MACROD2: variants seen among roughly 807,000 people sequenced by gnomAD.
MACROD2 encodes the protein mono-ADP ribosylhydrolase 2.
In MACROD2, 36 loss-of-function variants were observed where a neutral mutation model predicts 70.4. That is an observed-to-expected ratio of 0.51 (90% CI 0.39 to 0.68). The LOEUF (loss-of-function observed/expected upper bound fraction) is 0.68. MACROD2 is among the 30% of genes least tolerant of loss of function. The pLI is 0.00. For synonymous variants in MACROD2, 172 were observed against 178.8 expected (o/e 0.96, Z 0.30); for missense variants, 496 against 538.4 (o/e 0.92, Z 0.78).
intron 6 of MACROD2, among the ~76,000 whole-genome samples, chr20:15,381,701 G>C (rs2045646703): frequency 6.6e-6 from 1 of 152,140 alleles, no homozygotes; most frequent in Non-Finnish European, 1.5e-5. Context: ...AAAGGTGACA[G>C]ATAGCCTTGT....
chr20:15,114,253 G>T (rs1368888291), intron 5 of MACROD2, among the ~76,000 whole-genome samples: 3 of 152,168 alleles, frequency 2.0e-5, no homozygotes, highest in African/African-American at 7.2e-5. Flanking sequence ...CTCTTTTGTA[G>T]TCCCCTCCTC....
intron 5 of MACROD2, among the ~76,000 whole-genome samples, chr20:15,225,985 T>A (rs1285731572): frequency 6.6e-6 from 1 of 152,258 alleles, no homozygotes; most frequent in Non-Finnish European, 1.5e-5. Context: ...CAATTTGCAC[T>A]TCGCTGTATA....
At chr20:14,564,096 T>C (rs746286340) in intron 4 of MACROD2, among the ~76,000 whole-genome samples, 6 of 152,008 alleles carry the variant, frequency 3.9e-5, no homozygotes, top group Admixed American at 2.6e-4. Flanking sequence ...CACTGGGGAA[T>C]GAACATCTTA....
chr20:14,064,409 C>T (rs929350743), intron 2 of MACROD2, among the ~76,000 whole-genome samples: 4 of 152,128 alleles, frequency 2.6e-5, no homozygotes, highest in Non-Finnish European at 5.9e-5. Flanking sequence ...CCTGAGTACT[C>T]TGCAGGAAAT....
At chr20:15,437,536 T>G (rs1388553358) in intron 7 of MACROD2, among the ~76,000 whole-genome samples, 2 of 152,194 alleles carry the variant, frequency 1.3e-5, no homozygotes, top group Non-Finnish European at 2.9e-5. Flanking sequence ...GGGGTACATG[T>G]GAAGGTTTGT....
At chr20:15,908,155 G>A (rs890447796) in intron 10 of MACROD2, among the ~76,000 whole-genome samples, 21 of 152,198 alleles carry the variant, frequency 1.4e-4, no homozygotes, top group African/African-American at 5.1e-4. Flanking sequence ...GCCCTGCCAA[G>A]AACAAATGTT....
chr20:14,257,772 A>T (rs1360232650), intron 3 of MACROD2, among the ~76,000 whole-genome samples: 1 of 152,126 alleles, frequency 6.6e-6, no homozygotes, highest in African/African-American at 2.4e-5. Context: ...TGGGGAACAG[A>T]TGGTTTTTAG....
intron 8 of MACROD2, among the ~76,000 whole-genome samples, chr20:15,611,404 C>T (rs2048967758): frequency 1.3e-5 from 2 of 152,170 alleles, no homozygotes; most frequent in Non-Finnish European, 2.9e-5. Flanking sequence ...CATTTAATCA[C>T]TTGCTAATTT....
chr20:14,197,937 A>G (rs1363523673), intron 3 of MACROD2, among the ~76,000 whole-genome samples: 1 of 152,218 alleles, frequency 6.6e-6, no homozygotes. Flanking sequence ...TCAAATGGGT[A>G]TGATTTTAGA....
chr20:14,649,355 T>C lies in MACROD2; in HGVS notation c.302-35488T>C, dbSNP rs550211451. On this transcript the variant is annotated intron_variant, in intron 4 of 17. Coordinates refer to ENST00000684519, the MANE Select transcript of MACROD2 (RefSeq NM_001351661.2). ...CCTCAGATATAGACCAATACTGATATCTAAAAAGTTTATTCTTATGGGTAG... is the reference window on the plus strand; with the variant it reads ...CCTCAGATATAGACCAATACTGATACCTAAAAAGTTTATTCTTATGGGTAG... Among the ~76,000 whole-genome samples, 5 of 152,298 alleles carry C rather than the reference T, an allele frequency of 3.3e-5. No individual in the cohort carries two copies. In the East Asian group the frequency reaches 9.7e-4, roughly 29 times the overall value.
chr20:15,931,939 T>C (rs957266220), intron 10 of MACROD2, among the ~76,000 whole-genome samples: 1 of 152,150 alleles, frequency 6.6e-6, no homozygotes, highest in African/African-American at 2.4e-5. Context: ...AGTGGCCTCC[T>C]CTTGGGAGGA....
At chr20:14,600,616 A>G (rs1379619850) in intron 4 of MACROD2, among the ~76,000 whole-genome samples, 5 of 152,160 alleles carry the variant, frequency 3.3e-5, no homozygotes. Context: ...TTCATTTTAC[A>G]GGTGAGGAAA....
At chr20:14,722,805 T>C (rs2123687544) in intron 5 of MACROD2, among the ~76,000 whole-genome samples, 1 of 152,334 alleles carries the variant, frequency 6.6e-6, no homozygotes, top group Admixed American at 6.5e-5. Context: ...TGTCTCTGCT[T>C]CTTAGTAGCA....
intron 5 of MACROD2, among the ~76,000 whole-genome samples, chr20:15,204,047 A>G (rs2076680178): frequency 2.6e-5 from 4 of 152,186 alleles, no homozygotes; most frequent in African/African-American, 7.2e-5. Context: ...CATGATATCA[A>G]TGATGCACTT....
intron 3 of MACROD2, among the ~76,000 whole-genome samples, chr20:14,124,953 T>A (rs1288358092): frequency 6.6e-6 from 1 of 152,162 alleles, no homozygotes; most frequent in Non-Finnish European, 1.5e-5. Context: ...ATCCATACAA[T>A]GAAATATTAT....
chr20:14,259,563 G>C (rs548867740), intron 3 of MACROD2, among the ~76,000 whole-genome samples: 1 of 152,174 alleles, frequency 6.6e-6, no homozygotes, highest in Non-Finnish European at 1.5e-5. Context: ...AGAAAGATGA[G>C]CTGTTTATGT....
intron 7 of MACROD2, among the ~76,000 whole-genome samples, chr20:15,465,278 T>C (rs1568827801): frequency 6.6e-6 from 1 of 152,240 alleles, no homozygotes; most frequent in Non-Finnish European, 1.5e-5. Context: ...AAAAGATGTA[T>C]CTACCATGAT....
intron 3 of MACROD2, among the ~76,000 whole-genome samples, chr20:14,273,390 G>C (rs1228980538): frequency 6.6e-6 from 1 of 150,720 alleles, no homozygotes; most frequent in Non-Finnish European, 1.5e-5. Context: ...GCTCCTGAAT[G>C]ACTACTGGGT....
At chr20:14,013,263 A>G (rs2052938486) in intron 2 of MACROD2, among the ~76,000 whole-genome samples, 2 of 149,586 alleles carry the variant, frequency 1.3e-5, no homozygotes, top group South Asian at 4.3e-4. Flanking sequence ...TCAAGGGTCA[A>G]CTGTACTTTC....
Sources: allele counts gnomAD v4.1 joint callset (sites outside exome capture counted in the v4.1 genomes callset), GRCh38; gene constraint gnomAD v4.1.1; transcripts MANE v1.5; gene names NCBI Gene and HGNC (gene_info 2026-07-23, HGNC 2026-07-21).